STPG2: variants seen among roughly 807,000 people sequenced by gnomAD.
The protein encoded by STPG2 is sperm-tail PG-rich repeat-containing protein 2.
In STPG2, 56 loss-of-function variants were observed where a neutral mutation model predicts 54.2. That is an observed-to-expected ratio of 1.03 (90% CI 0.83 to 1.29). The LOEUF (loss-of-function observed/expected upper bound fraction) is 1.29. Ranked by LOEUF, STPG2 falls within the 50% of genes most tolerant of loss-of-function variation. The pLI, the probability that STPG2 is intolerant of heterozygous loss-of-function variation, is 0.00. For missense variants in STPG2, 596 were observed against 544.9 expected (o/e 1.09, Z -0.93); for synonymous variants, 200 against 181.8 (o/e 1.10, Z -0.81).
chr4:97,667,318 CAAA>C (rs1722559979), intron 10 of STPG2, among the ~76,000 whole-genome samples: 1 of 152,072 alleles, frequency 6.6e-6, no homozygotes, highest in South Asian at 2.1e-4. Flanking sequence ...AAAACATAAA[CAAA>C]GAAGAATAAA....
chr4:97,920,081 A>G (rs1309588232), intron 8 of STPG2, among the ~76,000 whole-genome samples: 1 of 152,214 alleles, frequency 6.6e-6, no homozygotes, highest in Non-Finnish European at 1.5e-5. Flanking sequence ...AAAAGAACAG[A>G]AAGGACTGCC....
At chr4:97,957,097 GGTGAAATATACAT>G (rs144797197) in intron 7 of STPG2, among the ~76,000 whole-genome samples, 234 of 139,992 alleles carry the variant, frequency 1.7e-3, no homozygotes, top group South Asian at 3.1e-3. Flanking sequence ...AATATACATA[GGTGAAATATACAT>G]GTGAAATATA....
intron 4 of STPG2, among the ~76,000 whole-genome samples, chr4:97,526,935 C>T (rs553653910): frequency 1.3e-5 from 2 of 151,856 alleles, no homozygotes; most frequent in South Asian, 2.1e-4. Flanking sequence ...ACTAGGGAAT[C>T]CATTCCCCAT....
intron 9 of STPG2, among the ~76,000 whole-genome samples, chr4:97,728,162 C>G (rs1278854792): frequency 6.6e-6 from 1 of 151,940 alleles, no homozygotes; most frequent in Non-Finnish European, 1.5e-5. Flanking sequence ...TACTTGGCCA[C>G]AGCTGCAAGA....
chr4:97,840,420 T>A (rs977386970), intron 9 of STPG2, among the ~76,000 whole-genome samples: 1 of 151,652 alleles, frequency 6.6e-6, no homozygotes, highest in Non-Finnish European at 1.5e-5. Context: ...AAAAATAACT[T>A]AAGTCTTTTA....
At position 98,061,636 on chromosome 4, in the gene STPG2, T is replaced by G. The variant is rs540794786; in HGVS notation, c.612+44317A>C. Among the ~76,000 whole-genome samples the G allele has an allele frequency of 7.3e-5, 11 of 151,440 alleles. 1 individual carries two copies. The East Asian group carries it at 1.9e-3, about 27-fold the overall frequency. ...AAAAAATTTTAAAAAGTGAGCAAAG[T>G]ACATGAACAGACAAGTCTCAAAAGA... On this transcript the variant is annotated intron_variant, in intron 5 of 10. Transcript: ENST00000295268.
chr4:97,772,945 T>C (rs1213900977), intron 9 of STPG2, among the ~76,000 whole-genome samples: 1 of 152,192 alleles, frequency 6.6e-6, no homozygotes, highest in Non-Finnish European at 1.5e-5. Flanking sequence ...AGGTTAAAGA[T>C]AATTTATTCT....
chr4:97,762,251 CT>C (rs149253974), intron 9 of STPG2, among the ~76,000 whole-genome samples: 2,048 of 152,240 alleles, frequency 0.013, 18 homozygotes, highest in Non-Finnish European at 0.02. Flanking sequence ...CATTTTCCAT[CT>C]TTTTGTTCTG....
At chr4:98,122,343 T>C (rs1420377374) in intron 3 of STPG2, among the ~76,000 whole-genome samples, 1 of 152,196 alleles carries the variant, frequency 6.6e-6, no homozygotes, top group Non-Finnish European at 1.5e-5. Flanking sequence ...TTGTCATATA[T>C]GGCTCTTATT....
At chr4:97,657,383 A>G (rs978663627) in intron 10 of STPG2, among the ~76,000 whole-genome samples, 17 of 152,172 alleles carry the variant, frequency 1.1e-4, no homozygotes, top group Admixed American at 4.6e-4. Context: ...ACATAAAACT[A>G]TAGCTTTACA....
At chr4:97,447,948 A>C (rs1440940378) in intron 4 of STPG2, among the ~76,000 whole-genome samples, 1 of 152,050 alleles carries the variant, frequency 6.6e-6, no homozygotes, top group Non-Finnish European at 1.5e-5. Context: ...GCAGGCACTC[A>C]ACACCAGCCA....
At chr4:97,837,984 T>G (rs1728680945) in intron 9 of STPG2, among the ~76,000 whole-genome samples, 1 of 151,540 alleles carries the variant, frequency 6.6e-6, no homozygotes, top group African/African-American at 2.4e-5. Context: ...CGATGTGCGT[T>G]TTTTAAGTTC....
intron 5 of STPG2, among the ~76,000 whole-genome samples, chr4:98,085,961 G>C (rs1384159505): frequency 2.0e-5 from 3 of 152,012 alleles, no homozygotes; most frequent in Non-Finnish European, 4.4e-5. Context: ...AGATGAAACA[G>C]TTTTGTGTTA....
intron 4 of STPG2, among the ~76,000 whole-genome samples, chr4:97,505,321 A>G (rs1204835330): frequency 2.6e-5 from 4 of 152,000 alleles, no homozygotes; most frequent in Non-Finnish European, 5.9e-5. Context: ...TATTGTCCCA[A>G]TAATGAACAA....
chr4:97,939,881 G>A (rs1009663849), intron 8 of STPG2, among the ~76,000 whole-genome samples: 12 of 152,248 alleles, frequency 7.9e-5, no homozygotes, highest in African/African-American at 2.9e-4. Flanking sequence ...TGTTCATGTG[G>A]TTATTTTACA....
intron 9 of STPG2, among the ~76,000 whole-genome samples, chr4:97,820,794 A>C (rs755471899): frequency 1.3e-5 from 2 of 152,058 alleles, no homozygotes; most frequent in Non-Finnish European, 2.9e-5. Context: ...CAGAGAGGTT[A>C]CCACACACTT....
intron 9 of STPG2, 26 bp downstream of exon 9, chr4:97,840,747 A>G: frequency 6.3e-7 from 1 of 1,577,046 alleles, no homozygotes; most frequent in Non-Finnish European, 8.6e-7. Context: ...TTTTCCTCAT[A>G]GCTTTATAAG....
chr4:97,905,631 T>G (rs1731381031), intron 8 of STPG2, among the ~76,000 whole-genome samples: 1 of 152,024 alleles, frequency 6.6e-6, no homozygotes, highest in Non-Finnish European at 1.5e-5. Context: ...GTAAATGGAC[T>G]AAATGCTCCA....
chr4:97,691,276 G>A (rs1033826064), intron 10 of STPG2, among the ~76,000 whole-genome samples: 1 of 152,092 alleles, frequency 6.6e-6, no homozygotes, highest in African/African-American at 2.4e-5. Flanking sequence ...ATGGCCTGGG[G>A]CAAGTTTTAA....
Sources: gnomAD v4.1 joint callset for allele counts (sites outside exome capture counted in the v4.1 genomes callset) on GRCh38, gnomAD v4.1.1 for gene constraint, MANE v1.5 for transcripts, NCBI Gene and HGNC (gene_info 2026-07-23, HGNC 2026-07-21) for gene names.